The following MIGA1 variants were observed in gnomAD, a reference collection of about 807,000 sequenced individuals.
MIGA1 encodes the protein mitoguardin 1, also known as family with sequence similarity 73, member A.
Under a neutral mutation model 82.0 loss-of-function variants are expected in MIGA1, and 58 were observed. That is an observed-to-expected ratio of 0.71 (90% CI 0.57 to 0.88). The LOEUF (loss-of-function observed/expected upper bound fraction) is 0.88, where lower values mean the gene tolerates loss of function less well. Ranked by LOEUF, MIGA1 falls within the 40% of genes least tolerant of loss-of-function variation. The pLI is 0.00. For synonymous variants in MIGA1, 249 were observed against 253.6 expected (o/e 0.98, Z 0.17); for missense variants, 751 against 749.1 (o/e 1.00, Z -0.03).
intron 8 of MIGA1, among the ~76,000 whole-genome samples, chr1:77,851,697 G>A (rs2101912157): frequency 6.6e-6 from 1 of 152,156 alleles, no homozygotes; most frequent in Admixed American, 6.5e-5. Context: ...TCTCACAGCT[G>A]CAGTCTTATT....
At position 77,843,392 on chromosome 1, in the gene MIGA1, T is replaced by C. The variant is rs35137156; in HGVS notation, c.981T>C (p.Phe327=). 4.3e-5 allele frequency: 70 copies of C among 1,613,944 alleles called. No individual in the cohort carries two copies. The African/African-American group carries it at 8.1e-4, about 19-fold the overall frequency. Residue 327 remains phenylalanine (F), a synonymous_variant, in exon 8 of 16, where the codon TTT becomes TTC. Transcript: ENST00000370791. ...TGAGCATCGCATCCACGGATTCCTT[T>C]GCTTCCGCAGCAGAGGTAGGACATA...
At chr1:77,847,040 A>G (rs901199382) in intron 8 of MIGA1, 1 of 711,654 alleles carries the variant, frequency 1.4e-6, no homozygotes. Context: ...TGATTTGACG[A>G]CACTTATTTA....
chr1:77,831,137 G>A (rs1294150165), intron 7 of MIGA1, among the ~76,000 whole-genome samples: 1 of 152,154 alleles, frequency 6.6e-6, no homozygotes. Flanking sequence ...AAGAGCCTAA[G>A]ATAAGAACTT....
intron 8 of MIGA1, chr1:77,848,406 G>C (rs759540753): frequency 1.6e-5 from 15 of 925,278 alleles, no homozygotes; most frequent in Non-Finnish European, 2.3e-5. Context: ...AGTAAGGAAA[G>C]AAAGATATGA....
intron 7 of MIGA1, among the ~76,000 whole-genome samples, chr1:77,819,440 T>C (rs1367839641): frequency 6.6e-6 from 1 of 151,988 alleles, no homozygotes; most frequent in Non-Finnish European, 1.5e-5. Flanking sequence ...CGTGCCACCA[T>C]GCCCAGCTAG....
At chr1:77,843,705 T>C (rs1684711894) in intron 8 of MIGA1, among the ~76,000 whole-genome samples, 1 of 152,164 alleles carries the variant, frequency 6.6e-6, no homozygotes, top group South Asian at 2.1e-4. Flanking sequence ...TCAACTTATA[T>C]CAAGAGTCTT....
intron 12 of MIGA1, 89 bp downstream of exon 12, chr1:77,861,411 TTAAA>T (rs2101941500): frequency 2.3e-6 from 2 of 866,384 alleles, no homozygotes; most frequent in South Asian, 1.5e-5. Context: ...ATTGTCCTTG[TTAAA>T]TAAAGCCAAT....
At chr1:77,845,496 G>A (rs1684802246) in intron 8 of MIGA1, among the ~76,000 whole-genome samples, 1 of 151,922 alleles carries the variant, frequency 6.6e-6, no homozygotes, top group Non-Finnish European at 1.5e-5. Flanking sequence ...GTTTAATAAA[G>A]TTTAATAAAA....
rs564983646 is a variant in MIGA1 at position 77,828,648 on chromosome 1, C to T, written c.895+13417C>T. The stretch of plus-strand genomic sequence containing the variant: ...CCTCAAATATATAAAGTACTACTGC[C>T]AGTAAGTCTGTTTGTCTTTTTGTTT... On this transcript the variant is annotated intron_variant, in intron 7 of 15. Coordinates refer to ENST00000370791, the MANE Select transcript of MIGA1 (RefSeq NM_198549.4). 1.3e-4 allele frequency among the ~76,000 whole-genome samples: 20 copies of T among 152,176 alleles called. No individual in the cohort carries two copies. In the South Asian group the frequency reaches 4.2e-3, roughly 32 times the overall value.
chr1:77,807,180 C>CCCTGTCTGTCTCAATA, intron 5 of MIGA1, 79 bp downstream of exon 5: 1 of 1,153,512 alleles, frequency 8.7e-7, no homozygotes, highest in Non-Finnish European at 1.2e-6. Flanking sequence ...TTTATTGAGA[C>CCCTGTCTGTCTCAATA]AGACAGGGTC....
At position 77,801,195 on chromosome 1, in the gene MIGA1, A is replaced by G. The variant is rs927135765; in HGVS notation, c.196-136A>G. On this transcript the variant is annotated intron_variant, in intron 2 of 15. Coordinates refer to ENST00000370791, the MANE Select transcript of MIGA1 (RefSeq NM_198549.4). ...AAAAATCAAATTGGGCTAGCTTGTCATTGAAAGAGTGAAATGATATTCTCT... is the reference window on the plus strand; with the variant it reads ...AAAAATCAAATTGGGCTAGCTTGTCGTTGAAAGAGTGAAATGATATTCTCT... 13 of 579,614 alleles carry G rather than the reference A, an allele frequency of 2.2e-5. No individual in the cohort carries two copies. In the Admixed American group the frequency reaches 4.3e-4, roughly 19 times the overall value. The allele number at this position is 579,614 out of a possible 1,614,324, so 35.9% of individuals were successfully genotyped here. A position where few individuals can be genotyped will look rare whatever the true frequency, so the allele number is the denominator to read the frequency against.
Position 77,801,361 on chromosome 1 carries a change from T to A in MIGA1, c.226T>A (p.Phe76Ile). ...ATTTTCTCCGGTGGCTAAAAAGTTG[T>A]TTGTGGTAACTGCAGTGAGTGCTAT... Residue 76 changes from phenylalanine to isoleucine, a missense_variant, in exon 3 of 16, where the codon TTT becomes ATT. By Grantham distance (21) the Phe-to-Ile change is conservative. Coordinates refer to ENST00000370791, the MANE Select transcript of MIGA1 (RefSeq NM_198549.4). 1 of 1,564,656 alleles carries A rather than the reference T, an allele frequency of 6.4e-7. No homozygotes were observed. The highest frequency in any genetic ancestry group is 1.4e-5 in the African/African-American group (1 of 71,662).
chr1:77,846,457 T>TAG (rs1290760197), intron 8 of MIGA1, among the ~76,000 whole-genome samples: 1 of 151,978 alleles, frequency 6.6e-6, no homozygotes, highest in African/African-American at 2.4e-5. Flanking sequence ...ATGTATTTAA[T>TAG]AGAGAAATCA....
chr1:77,788,689 G>A (rs1430637412), intron 2 of MIGA1, among the ~76,000 whole-genome samples: 1 of 152,016 alleles, frequency 6.6e-6, no homozygotes, highest in East Asian at 1.9e-4. Context: ...ACCATTTGTT[G>A]AAAAAACTCT....
chr1:77,857,093 C>T (rs1039237091), intron 8 of MIGA1, among the ~76,000 whole-genome samples: 2 of 152,044 alleles, frequency 1.3e-5, no homozygotes, highest in Non-Finnish European at 2.9e-5. Context: ...TCATTCAGTT[C>T]GCAGAATTTT....
intron 5 of MIGA1, among the ~76,000 whole-genome samples, chr1:77,808,130 C>CTTT (rs754585009): frequency 2.2e-5 from 3 of 137,036 alleles, no homozygotes; most frequent in East Asian, 2.0e-4. Context: ...ACCTTTCTCT[C>CTTT]TTTTTTTTTT....
chr1:77,786,035 A>G (rs1355621224), intron 2 of MIGA1, among the ~76,000 whole-genome samples: 1 of 152,164 alleles, frequency 6.6e-6, no homozygotes, highest in African/African-American at 2.4e-5. Context: ...AGGCATTTCC[A>G]TACATCTTCT....
At chr1:77,811,017 G>C in intron 5 of MIGA1, 9 of 1,612,932 alleles carry the variant, frequency 5.6e-6, no homozygotes, top group Non-Finnish European at 7.6e-6. Context: ...CAAAACACTT[G>C]GTGCTGGTAA....
chr1:77,801,562 A>T (rs1255807520), intron 3 of MIGA1, 54 bp downstream of exon 3: 15 of 1,460,022 alleles, frequency 1.0e-5, no homozygotes, highest in Non-Finnish European at 1.4e-5. Context: ...CATAACTGGA[A>T]TACAGTGATT....
Sources: gnomAD v4.1 joint callset for allele counts (sites outside exome capture counted in the v4.1 genomes callset) on GRCh38, gnomAD v4.1.1 for gene constraint, MANE v1.5 for transcripts, NCBI Gene and HGNC (gene_info 2026-07-23, HGNC 2026-07-21) for gene names.